The following RAD51B variants were observed in gnomAD, a reference collection of about 807,000 sequenced individuals.
RAD51B encodes RAD51 paralog B, also known as DNA repair protein RAD51 homolog 2.
A neutral mutation model predicts 42.2 loss-of-function variants in RAD51B; 38 were observed. The ratio of observed to expected loss-of-function variants is 0.90; its 90% CI spans 0.70 to 1.18. The LOEUF is 1.18. Ranked by LOEUF, RAD51B falls within the 50% of genes most tolerant of loss-of-function variation. RAD51B has a pLI of 0.00. For missense variants in RAD51B, 373 were observed against 400.7 expected (o/e 0.93, Z 0.59); for synonymous variants, 154 against 145.2 (o/e 1.06, Z -0.43).
chr14:68,268,617 A>G (rs1191816085), intron 7 of RAD51B, among the ~76,000 whole-genome samples: 1 of 152,210 alleles, frequency 6.6e-6, no homozygotes, highest in East Asian at 1.9e-4. Context: ...GAATCAAAAG[A>G]TCTGGGTTTT....
downstream of RAD51B, among the ~76,000 whole-genome samples, chr14:68,482,444 C>A (rs1883273975): frequency 6.6e-6 from 1 of 152,014 alleles, no homozygotes; most frequent in South Asian, 2.1e-4. Context: ...TCCAGCAAAA[C>A]CAGGATTGCC....
At chr14:68,535,967 G>A (rs545925696) in intron 10 of RAD51B, among the ~76,000 whole-genome samples, 3 of 152,226 alleles carry the variant, frequency 2.0e-5, no homozygotes, top group Non-Finnish European at 4.4e-5. Context: ...GTAAGCCAGA[G>A]TTTAAAAGAA....
At chr14:68,230,412 A>G (rs943051247) in intron 7 of RAD51B, among the ~76,000 whole-genome samples, 6 of 152,182 alleles carry the variant, frequency 3.9e-5, no homozygotes, top group Admixed American at 3.9e-4. Context: ...TCTGTTAAAC[A>G]TCTTTATTGT....
At chr14:68,457,200 A>C (rs2085718356) in intron 9 of RAD51B, among the ~76,000 whole-genome samples, 1 of 152,092 alleles carries the variant, frequency 6.6e-6, no homozygotes, top group African/African-American at 2.4e-5. Flanking sequence ...GATGTGAGCC[A>C]ACACGCCCAG....
At chr14:68,351,519 C>T (rs1316455389) in intron 8 of RAD51B, among the ~76,000 whole-genome samples, 1 of 152,130 alleles carries the variant, frequency 6.6e-6, no homozygotes, top group African/African-American at 2.4e-5. Context: ...AAGTAAATAA[C>T]AAATTACAGC....
At chr14:67,855,753 T>A (rs940740284) in intron 4 of RAD51B, among the ~76,000 whole-genome samples, 2 of 152,234 alleles carry the variant, frequency 1.3e-5, no homozygotes, top group African/African-American at 4.8e-5. Flanking sequence ...TGGGTCTCCA[T>A]GTCTGCAAAG....
intron 11 of RAD51B, among the ~76,000 whole-genome samples, chr14:68,675,955 C>A (rs1243855012): frequency 6.6e-6 from 1 of 152,166 alleles, no homozygotes. Context: ...CAGATAGGGC[C>A]AGGCCTTGAG....
In RAD51B at chr14:68,355,214, ATTTG is replaced by A. The variant is rs1206886301; in HGVS notation, c.854-56203_854-56200del. Reference sequence around the variant, plus strand: ...TATGTTGCCTATTTTTTGGAGACATATTTGTTTGTTAACTCTTTGAGTTTCATAA... The same window carrying A: ...TATGTTGCCTATTTTTTGGAGACATATTTGTTAACTCTTTGAGTTTCATAA... On this transcript the variant is annotated intron_variant, in intron 8 of 10. Transcript: ENST00000471583. Among the ~76,000 whole-genome samples, 9 of 152,194 alleles carry A rather than the reference ATTTG, an allele frequency of 5.9e-5. No homozygotes were observed. In the South Asian group the frequency reaches 1.4e-3, roughly 24 times the overall value.
Position 68,349,798 on chromosome 14 carries a change from A to T in RAD51B, c.853+57818A>T, listed in dbSNP as rs184268793. The stretch of plus-strand genomic sequence containing the variant: ...TTTCAGACAGCCCAGGTGATGAGGG[A>T]GCCTTGTGTTTTCTGTGAGGAACCT... On this transcript the variant is annotated intron_variant, in intron 8 of 10. Coordinates refer to ENST00000471583, the MANE Select transcript of RAD51B (RefSeq NM_133510.4). Among the ~76,000 whole-genome samples, 24 of 152,286 alleles carry T rather than the reference A, an allele frequency of 1.6e-4. No homozygotes were observed. The East Asian group carries it at 4.6e-3, about 29-fold the overall frequency.
intron 8 of RAD51B, among the ~76,000 whole-genome samples, chr14:68,373,002 G>C (rs570249600): frequency 3.3e-5 from 5 of 152,324 alleles, no homozygotes; most frequent in Admixed American, 2.0e-4. Context: ...TACTTAGTGT[G>C]GTAAGTGTCT....
chr14:67,998,830 A>C (rs1376536789), intron 7 of RAD51B, among the ~76,000 whole-genome samples: 1 of 152,212 alleles, frequency 6.6e-6, no homozygotes, highest in Non-Finnish European at 1.5e-5. Context: ...TATTTAGATT[A>C]ACATTCATGG....
intron 10 of RAD51B, among the ~76,000 whole-genome samples, chr14:68,645,141 A>C (rs1213238941): frequency 6.6e-6 from 1 of 152,188 alleles, no homozygotes; most frequent in African/African-American, 2.4e-5. Flanking sequence ...CCCATTAAAT[A>C]TTAATTCCCC....
chr14:68,005,399 T>A (rs2075571819), intron 7 of RAD51B, among the ~76,000 whole-genome samples: 1 of 152,196 alleles, frequency 6.6e-6, no homozygotes, highest in Non-Finnish European at 1.5e-5. Context: ...TTTAGCCTAG[T>A]GTAAATAGGG....
chr14:68,319,304 G>T (rs1338472054), intron 8 of RAD51B, among the ~76,000 whole-genome samples: 1 of 152,076 alleles, frequency 6.6e-6, no homozygotes, highest in African/African-American at 2.4e-5. Context: ...CTAAAATATT[G>T]TACTGGGACC....
At chr14:68,387,789 T>C (rs1481606716) in intron 8 of RAD51B, among the ~76,000 whole-genome samples, 1 of 152,066 alleles carries the variant, frequency 6.6e-6, no homozygotes, top group African/African-American at 2.4e-5. Flanking sequence ...AACCACTAAA[T>C]AGCTGCACTG....
At chr14:67,961,057 A>G (rs2074654939) in intron 7 of RAD51B, among the ~76,000 whole-genome samples, 2 of 152,020 alleles carry the variant, frequency 1.3e-5, no homozygotes, top group East Asian at 3.9e-4. Context: ...GTTCAGGCTG[A>G]GTGCAGTGGC....
intron 7 of RAD51B, among the ~76,000 whole-genome samples, chr14:68,076,099 A>G (rs2076829589): frequency 6.6e-6 from 1 of 152,198 alleles, no homozygotes; most frequent in Non-Finnish European, 1.5e-5. Context: ...GACACACTGG[A>G]TGGACCTGGG....
intron 8 of RAD51B, among the ~76,000 whole-genome samples, chr14:68,394,841 G>A (rs1488315220): frequency 2.6e-5 from 4 of 152,162 alleles, no homozygotes; most frequent in East Asian, 1.9e-4. Flanking sequence ...TGTGGAAGCC[G>A]CACGTCTCCG....
chr14:68,550,143 G>A (rs868138506), intron 10 of RAD51B, among the ~76,000 whole-genome samples: 19 of 152,294 alleles, frequency 1.2e-4, no homozygotes, highest in African/African-American at 4.1e-4. Context: ...ACGCTGCGCC[G>A]TGCTCCCTCC....
Sources: gnomAD v4.1 joint callset for allele counts (sites outside exome capture counted in the v4.1 genomes callset) on GRCh38, gnomAD v4.1.1 for gene constraint, MANE v1.5 for transcripts, NCBI Gene and HGNC (gene_info 2026-07-23, HGNC 2026-07-21) for gene names.